The following TMEM178B variants were observed in gnomAD, a reference collection of about 807,000 sequenced individuals.
TMEM178B encodes transmembrane protein 178B.
TMEM178B carries 5 observed loss-of-function variants against 31.0 expected under a neutral mutation model. That is an observed-to-expected ratio of 0.16 (90% CI 0.08 to 0.34). The LOEUF is 0.34. Ranked by LOEUF, TMEM178B falls within the 10% of genes least tolerant of loss-of-function variation. The pLI, the probability that TMEM178B is intolerant of heterozygous loss-of-function variation, is 1.00. For missense variants in TMEM178B, 275 were observed against 400.3 expected, an observed-to-expected ratio of 0.69 and a Z score of 2.67; for synonymous variants, 164 against 164.0, an observed-to-expected ratio of 1.00 and a Z score of 0.00.
intron 2 of TMEM178B, among the ~76,000 whole-genome samples, chr7:141,316,636 G>C (rs1423341091): frequency 6.6e-6 from 1 of 152,070 alleles, no homozygotes; most frequent in African/African-American, 2.4e-5. Flanking sequence ...TCTGACATTT[G>C]CAAGTATCTA....
chr7:141,510,616 C>T, the TMEM178B span, among the ~76,000 whole-genome samples: 10 of 126,074 alleles, frequency 7.9e-5, no homozygotes, highest in South Asian at 1.4e-3. Flanking sequence ...ACCCCAGAGG[C>T]GGAGGTTGCG....
intron 2 of TMEM178B, among the ~76,000 whole-genome samples, chr7:141,424,804 C>T (rs1365004041): frequency 6.6e-6 from 1 of 152,192 alleles, no homozygotes; most frequent in East Asian, 1.9e-4. Context: ...CATTATTCTT[C>T]ATTTAATATT....
chr7:141,394,085 G>A lies in TMEM178B; in HGVS notation c.497-43523G>A, dbSNP rs140652386. On this transcript the variant is annotated intron_variant, in intron 2 of 3. Coordinates refer to ENST00000565468, the MANE Select transcript of TMEM178B (RefSeq NM_001195278.2). ...TCACTTGAGGTCCTGATGACGTGCA[G>A]TTGGGTTTCTTGAGGATTTTGCTTT... Among the ~76,000 whole-genome samples, 243 of 151,962 alleles carry A rather than the reference G, an allele frequency of 1.6e-3. 2 individuals carry two copies. Among genetic ancestry groups the A allele is most frequent in the East Asian group, 9.5e-3 (49 of 5,178 alleles).
intron 2 of TMEM178B, among the ~76,000 whole-genome samples, chr7:141,367,819 G>A (rs2116560532): frequency 6.6e-6 from 1 of 152,166 alleles, no homozygotes; most frequent in East Asian, 1.9e-4. Context: ...GCTGAGAGGT[G>A]GTTAACCAAG....
chr7:141,264,454 G>A (rs1798062634), intron 2 of TMEM178B, among the ~76,000 whole-genome samples: 1 of 152,258 alleles, frequency 6.6e-6, no homozygotes, highest in Non-Finnish European at 1.5e-5. Flanking sequence ...GTAGGAGGCA[G>A]TTGGCAGTCA....
chr7:141,481,182 A>T (rs1802468353), downstream of TMEM178B, among the ~76,000 whole-genome samples: 2 of 152,200 alleles, frequency 1.3e-5, no homozygotes, highest in Admixed American at 1.3e-4. Flanking sequence ...CACCAGGATG[A>T]ATCCCCAGGG....
the TMEM178B span, among the ~76,000 whole-genome samples, chr7:141,499,464 CAAAAAAAAAA>C: frequency 5.9e-5 from 3 of 50,706 alleles, no homozygotes; most frequent in African/African-American, 1.7e-4. Flanking sequence ...CACATCTCTA[CAAAAAAAAAA>C]AAAAAAAAAA....
downstream of TMEM178B, among the ~76,000 whole-genome samples, chr7:141,484,011 C>G (rs916425432): frequency 6.6e-6 from 1 of 152,184 alleles, no homozygotes; most frequent in Non-Finnish European, 1.5e-5. This position sits in a 1 kb window ranked among gnomAD's most constrained non-coding sequence, Gnocchi z 4.8. Context: ...CCTGGGATTA[C>G]AGGCATGAGC....
chr7:141,418,129 C>T (rs1409402677), intron 2 of TMEM178B, among the ~76,000 whole-genome samples: 5 of 152,170 alleles, frequency 3.3e-5, no homozygotes, highest in Non-Finnish European at 7.3e-5. Context: ...AGTCTTTCTC[C>T]TCTTCATAGA....
intron 2 of TMEM178B, among the ~76,000 whole-genome samples, chr7:141,335,654 T>G (rs1225303836): frequency 6.6e-6 from 1 of 152,144 alleles, no homozygotes; most frequent in Non-Finnish European, 1.5e-5. Context: ...AACTTCTCAT[T>G]GCCTCACCTC....
intron 1 of TMEM178B, among the ~76,000 whole-genome samples, chr7:141,189,648 C>G (rs1264111305): frequency 2.0e-5 from 3 of 152,192 alleles, no homozygotes; most frequent in African/African-American, 7.2e-5. Flanking sequence ...GACTGGTATA[C>G]AAGGTCAGGG....
chr7:141,247,774 A>G (rs1258012883), intron 2 of TMEM178B, among the ~76,000 whole-genome samples: 1 of 152,210 alleles, frequency 6.6e-6, no homozygotes, highest in African/African-American at 2.4e-5. Context: ...GCAGGTAAAC[A>G]ATGACCAAAT....
chr7:141,117,452 G>A (rs1157783273), intron 1 of TMEM178B, among the ~76,000 whole-genome samples: 1 of 152,072 alleles, frequency 6.6e-6, no homozygotes, highest in East Asian at 1.9e-4. Flanking sequence ...CTCCCATTCT[G>A]TAGGTTGCCT....
intron 3 of TMEM178B, among the ~76,000 whole-genome samples, chr7:141,453,887 C>G (rs984715814): frequency 6.7e-6 from 1 of 149,026 alleles, no homozygotes; most frequent in Non-Finnish European, 1.5e-5. Context: ...TAACTAAACT[C>G]TGTTGTGAAT....
intron 3 of TMEM178B, among the ~76,000 whole-genome samples, chr7:141,447,793 A>G (rs1801787770): frequency 6.6e-6 from 1 of 152,088 alleles, no homozygotes; most frequent in Non-Finnish European, 1.5e-5. Context: ...AGCCTGTACC[A>G]GCTATACAAT....
intron 2 of TMEM178B, among the ~76,000 whole-genome samples, chr7:141,337,668 T>G (rs934650000): frequency 1.3e-5 from 2 of 152,194 alleles, no homozygotes; most frequent in Non-Finnish European, 2.9e-5. Flanking sequence ...TATTTATGTG[T>G]GTGCTTTTGT....
At chr7:141,353,244 C>A (rs977162907) in intron 2 of TMEM178B, among the ~76,000 whole-genome samples, 14 of 152,184 alleles carry the variant, frequency 9.2e-5, no homozygotes, top group African/African-American at 3.4e-4. Context: ...GCAAACTTAG[C>A]CATGCAACAT....
intron 2 of TMEM178B, among the ~76,000 whole-genome samples, chr7:141,392,275 G>T (rs1800556671): frequency 6.6e-6 from 1 of 152,100 alleles, no homozygotes; most frequent in Admixed American, 6.5e-5. Flanking sequence ...TCCTAGTTCT[G>T]ACCTTTAACA....
chr7:141,306,962 AT>A (rs1798825718), intron 2 of TMEM178B, among the ~76,000 whole-genome samples: 1 of 152,208 alleles, frequency 6.6e-6, no homozygotes, highest in African/African-American at 2.4e-5. Context: ...ATCACCATAT[AT>A]AATGGGACTG....
Sources: gnomAD v4.1 joint callset for allele counts (sites outside exome capture counted in the v4.1 genomes callset) on GRCh38, gnomAD v4.1.1 for gene constraint, Gnocchi (gnomAD v3.1) non-coding constraint, MANE v1.5 for transcripts, NCBI Gene and HGNC (gene_info 2026-07-23, HGNC 2026-07-21) for gene names.